RGS6: variants seen among roughly 807,000 people sequenced by gnomAD.
The protein encoded by RGS6 is regulator of G-protein signaling 6.
In RGS6, 30 loss-of-function variants were observed where a neutral mutation model predicts 78.5. The observed-to-expected ratio is 0.38, with a 90% CI of 0.29 to 0.52. The LOEUF is 0.52. RGS6 is among the 20% of genes least tolerant of loss of function. The pLI is 0.85. For missense variants in RGS6, 495 were observed against 609.7 expected (o/e 0.81, Z 1.98); for synonymous variants, 206 against 206.0 (o/e 1.00, Z 0.00).
At chr14:72,287,612 A>C (rs111887744) in intron 2 of RGS6, among the ~76,000 whole-genome samples, 1 of 152,164 alleles carries the variant, frequency 6.6e-6, no homozygotes, top group African/African-American at 2.4e-5. Context: ...ATGTGCCACC[A>C]TGCCTGGCTA....
chr14:72,600,244 C>T, the RGS6 span, among the ~76,000 whole-genome samples: 1 of 152,056 alleles, frequency 6.6e-6, no homozygotes, highest in Admixed American at 6.5e-5. Context: ...GATCAGGTAT[C>T]CTGGCCAGGC....
intron 2 of RGS6, 43 bp from the exon 3 acceptor site, chr14:72,352,052 A>T: frequency 7.0e-7 from 1 of 1,438,840 alleles, no homozygotes; most frequent in Non-Finnish European, 9.7e-7. Context: ...TTATAATTAC[A>T]TTATGGGAGA....
chr14:72,583,540 A>T, the RGS6 span, among the ~76,000 whole-genome samples: 1 of 146,626 alleles, frequency 6.8e-6, no homozygotes, highest in East Asian at 2.0e-4. Context: ...GCGTAGATCA[A>T]TGGGAGTGAT....
At chr14:72,618,898 A>C in the RGS6 span, among the ~76,000 whole-genome samples, 4 of 152,214 alleles carry the variant, frequency 2.6e-5, no homozygotes, top group Admixed American at 2.0e-4. Context: ...GGCTGTGCCA[A>C]GATTTCTTGG....
chr14:72,116,403 G>A (rs1008754060), intron 2 of RGS6, among the ~76,000 whole-genome samples: 1 of 151,918 alleles, frequency 6.6e-6, no homozygotes, highest in Non-Finnish European at 1.5e-5. Context: ...GACATCATTG[G>A]CATTTTCTGT....
At chr14:72,625,735 G>A in the RGS6 span, among the ~76,000 whole-genome samples, 1 of 152,148 alleles carries the variant, frequency 6.6e-6, no homozygotes, top group African/African-American at 2.4e-5. Context: ...GATATAATAT[G>A]TATAAACTAT....
intron 2 of RGS6, among the ~76,000 whole-genome samples, chr14:72,351,343 G>A (rs952036433): frequency 3.3e-5 from 5 of 152,070 alleles, no homozygotes; most frequent in African/African-American, 9.6e-5. Flanking sequence ...TTGGTTTTCC[G>A]GTTTAGGCAC....
chr14:72,290,411 T>C (rs921456656), intron 2 of RGS6, among the ~76,000 whole-genome samples: 2 of 152,214 alleles, frequency 1.3e-5, no homozygotes, highest in Admixed American at 6.5e-5. Context: ...ACCTAGCAGA[T>C]GGCAGTTTTT....
At chr14:72,344,887 C>T (rs17111029) in intron 2 of RGS6, among the ~76,000 whole-genome samples, 8,652 of 152,176 alleles carry the variant, frequency 0.057, 410 homozygotes, top group East Asian at 0.27. Flanking sequence ...GGCTTCAGGG[C>T]CTGCCCAACC....
At chr14:71,949,056 CTATT>C (rs1340045186) in intron 1 of RGS6, among the ~76,000 whole-genome samples, 3 of 152,076 alleles carry the variant, frequency 2.0e-5, no homozygotes, top group African/African-American at 7.2e-5. Flanking sequence ...ATTCCACAAA[CTATT>C]CATCTACTGT....
At chr14:72,510,842 T>C (rs1255822948) in intron 14 of RGS6, among the ~76,000 whole-genome samples, 1 of 152,224 alleles carries the variant, frequency 6.6e-6, no homozygotes, top group Non-Finnish European at 1.5e-5. Context: ...CAAATAGTGG[T>C]TACTCTGATC....
At chr14:71,970,103 A>G (rs2093716945) in intron 2 of RGS6, among the ~76,000 whole-genome samples, 1 of 152,218 alleles carries the variant, frequency 6.6e-6, no homozygotes, top group Non-Finnish European at 1.5e-5. Flanking sequence ...CTTGCTAATA[A>G]CATTTAAGAC....
chr14:72,200,480 C>T (rs534162494), intron 2 of RGS6, among the ~76,000 whole-genome samples: 15 of 152,342 alleles, frequency 9.8e-5, no homozygotes, highest in African/African-American at 3.1e-4. Context: ...GGTGTTTGCA[C>T]TTGAAGCTTT....
intron 2 of RGS6, among the ~76,000 whole-genome samples, chr14:72,018,011 G>A (rs1390267779): frequency 6.6e-6 from 1 of 152,130 alleles, no homozygotes; most frequent in Non-Finnish European, 1.5e-5. Context: ...ACTTATAAGT[G>A]AGAAAATACA....
chr14:72,406,749 GA>G (rs2092961372), intron 3 of RGS6, among the ~76,000 whole-genome samples: 1 of 152,114 alleles, frequency 6.6e-6, no homozygotes, highest in Non-Finnish European at 1.5e-5. Context: ...GTATTTTGGG[GA>G]CAAAACTCCC....
At chr14:72,157,167 T>C (rs2096784472) in intron 2 of RGS6, among the ~76,000 whole-genome samples, 2 of 152,164 alleles carry the variant, frequency 1.3e-5, no homozygotes, top group Non-Finnish European at 1.5e-5. Flanking sequence ...CTGGGTTCCT[T>C]AGAGAAAAAT....
intron 2 of RGS6, among the ~76,000 whole-genome samples, chr14:72,294,849 A>G (rs1393414235): frequency 6.6e-6 from 1 of 152,184 alleles, no homozygotes; most frequent in African/African-American, 2.4e-5. Flanking sequence ...ACCAGGCCCT[A>G]TCTCCAACAT....
chr14:72,474,603 TG>T (rs1035609015), intron 9 of RGS6, 21 bp from the exon 10 acceptor site: 1 of 1,594,926 alleles, frequency 6.3e-7, no homozygotes, highest in African/African-American at 1.4e-5. Context: ...GTAATTTATA[TG>T]ATGTGTTTTT....
intron 2 of RGS6, among the ~76,000 whole-genome samples, chr14:72,189,109 C>T (rs537712568): frequency 2.0e-5 from 3 of 152,260 alleles, no homozygotes; most frequent in South Asian, 4.2e-4. Context: ...ATATGATCTC[C>T]ATTGCAGCCA....
Sources: gnomAD v4.1 joint callset for allele counts (sites outside exome capture counted in the v4.1 genomes callset) on GRCh38, gnomAD v4.1.1 for gene constraint, MANE v1.5 for transcripts, NCBI Gene and HGNC (gene_info 2026-07-23, HGNC 2026-07-21) for gene names.